CCDC192: variants seen among roughly 807,000 people sequenced by gnomAD.
The protein encoded by CCDC192 is coiled-coil domain containing 192.
chr5:127,853,814 AC>A (rs1359336855), intron 5 of CCDC192, among the ~76,000 whole-genome samples: 7 of 152,086 alleles, frequency 4.6e-5, no homozygotes, highest in East Asian at 1.9e-4. Flanking sequence ...AACAAAAAAA[AC>A]ATCTGGAGTG....
At chr5:127,828,095 C>T (rs1356423772) in intron 5 of CCDC192, among the ~76,000 whole-genome samples, 2 of 152,106 alleles carry the variant, frequency 1.3e-5, no homozygotes, top group Non-Finnish European at 2.9e-5. Context: ...TTAGTAGAGA[C>T]AGGGTTTCAC....
intron 3 of CCDC192, among the ~76,000 whole-genome samples, chr5:127,754,957 GAC>G (rs1754491713): frequency 6.6e-6 from 1 of 152,206 alleles, no homozygotes; most frequent in Non-Finnish European, 1.5e-5. Flanking sequence ...TGATTTCAGA[GAC>G]AGTGGCTGTG....
intron 5 of CCDC192, among the ~76,000 whole-genome samples, chr5:127,841,139 A>T (rs534524718): frequency 6.6e-6 from 1 of 152,210 alleles, no homozygotes; most frequent in Non-Finnish European, 1.5e-5. Context: ...GCAGAAAGAC[A>T]TTTCTTCAGT....
intron 6 of CCDC192, among the ~76,000 whole-genome samples, chr5:127,895,608 G>A (rs1453550326): frequency 1.3e-5 from 2 of 152,200 alleles, no homozygotes; most frequent in Admixed American, 6.5e-5. Context: ...GGGAGGCCGA[G>A]GTGGGTGGAT....
intron 6 of CCDC192, among the ~76,000 whole-genome samples, chr5:127,907,380 C>T (rs1462970814): frequency 6.6e-6 from 1 of 152,002 alleles, no homozygotes; most frequent in Non-Finnish European, 1.5e-5. Context: ...ATAAAGTTAT[C>T]TCAAGTAATT....
chr5:127,742,395 T>A (rs1452198468), intron 2 of CCDC192, among the ~76,000 whole-genome samples: 1 of 152,048 alleles, frequency 6.6e-6, no homozygotes, highest in African/African-American at 2.4e-5. Context: ...TTTCACAGGG[T>A]GAAAGGTTGA....
intron 5 of CCDC192, among the ~76,000 whole-genome samples, chr5:127,851,853 T>A (rs187644762): frequency 2.0e-5 from 3 of 152,326 alleles, no homozygotes; most frequent in Admixed American, 6.5e-5. Context: ...TGACTTACAT[T>A]GAGCCCACAC....
chr5:127,864,684 A>G (rs1052766022), intron 5 of CCDC192, among the ~76,000 whole-genome samples: 10 of 152,250 alleles, frequency 6.6e-5, no homozygotes, highest in Non-Finnish European at 1.5e-4. Flanking sequence ...AAAAGTTCAC[A>G]TCACCACCAC....
intron 6 of CCDC192, among the ~76,000 whole-genome samples, chr5:127,887,117 A>G (rs551002857): frequency 6.6e-6 from 1 of 151,880 alleles, no homozygotes; most frequent in East Asian, 1.9e-4. Flanking sequence ...CACTTGAGGT[A>G]GGGAGTTTGA....
chr5:127,715,293 T>C (rs926227565), intron 2 of CCDC192, among the ~76,000 whole-genome samples: 2 of 152,216 alleles, frequency 1.3e-5, no homozygotes, highest in African/African-American at 4.8e-5. Context: ...TTGAGTTGAT[T>C]CCTGTAAGTT....
intron 5 of CCDC192, among the ~76,000 whole-genome samples, chr5:127,828,374 A>G (rs1749634825): frequency 6.6e-6 from 1 of 152,242 alleles, no homozygotes; most frequent in South Asian, 2.1e-4. Context: ...TCACACCTTT[A>G]GAGTCATCTG....
chr5:127,914,052 G>A (rs1753449366), intron 6 of CCDC192, among the ~76,000 whole-genome samples: 1 of 152,136 alleles, frequency 6.6e-6, no homozygotes, highest in Non-Finnish European at 1.5e-5. Context: ...ATGATAACTT[G>A]GTAAATAGTC....
chr5:127,795,219 G>A (rs2126963727), intron 3 of CCDC192, among the ~76,000 whole-genome samples: 1 of 150,638 alleles, frequency 6.6e-6, no homozygotes, highest in African/African-American at 2.4e-5. Context: ...AAGCCCCAGA[G>A]GCGAAGGTTG....
intron 5 of CCDC192, among the ~76,000 whole-genome samples, chr5:127,843,029 G>GTTTTTTTTTTTTTTTTTTT (rs11428874): frequency 4.4e-5 from 4 of 91,766 alleles, no homozygotes; most frequent in Non-Finnish European, 6.0e-5. Context: ...TTTTAGTCAA[G>GTTTTTTTTTTTTTTTTTTT]TTTTTTTTTT....
intron 3 of CCDC192, among the ~76,000 whole-genome samples, chr5:127,766,436 C>T (rs530148355): frequency 4.0e-5 from 6 of 151,790 alleles, no homozygotes; most frequent in African/African-American, 1.5e-4. Context: ...CAAAACAAAA[C>T]AAAAACCTGT....
intron 6 of CCDC192, among the ~76,000 whole-genome samples, chr5:127,935,960 C>A (rs986131826): frequency 6.6e-6 from 1 of 152,140 alleles, no homozygotes; most frequent in East Asian, 1.9e-4. Context: ...CAAAATTATC[C>A]GAGTGTGGTG....
chr5:127,869,781 CT>C (rs1751770360), intron 5 of CCDC192, among the ~76,000 whole-genome samples: 1 of 152,136 alleles, frequency 6.6e-6, no homozygotes, highest in Admixed American at 6.5e-5. Context: ...ATTTCATTTT[CT>C]TTTTATTATA....
At chr5:127,897,054 TC>T (rs1752912279) in intron 6 of CCDC192, among the ~76,000 whole-genome samples, 1 of 138,348 alleles carries the variant, frequency 7.2e-6, no homozygotes, top group Non-Finnish European at 1.6e-5. Context: ...CTCTAATGTC[TC>T]TCTCTCTTTT....
intron 3 of CCDC192, among the ~76,000 whole-genome samples, chr5:127,755,635 G>A (rs1580603623): frequency 1.7e-5 from 2 of 118,950 alleles, no homozygotes; most frequent in Admixed American, 9.0e-5. Context: ...GCAAAATTAA[G>A]AATTACCAAG....
Sources: gnomAD v4.1 joint callset for allele counts (sites outside exome capture counted in the v4.1 genomes callset) on GRCh38, gnomAD v4.1.1 for gene constraint, MANE v1.5 for transcripts, NCBI Gene and HGNC (gene_info 2026-07-23, HGNC 2026-07-21) for gene names.